The following IMMP2L variants were observed in gnomAD, a reference collection of about 807,000 sequenced individuals.
The protein encoded by IMMP2L is mitochondrial inner membrane protease subunit 2.
In IMMP2L, 18 loss-of-function variants were observed where a neutral mutation model predicts 19.3. The ratio of observed to expected loss-of-function variants is 0.93; its 90% confidence interval spans 0.64 to 1.38. The LOEUF is 1.38. IMMP2L is among the 40% of genes most tolerant of loss of function. The pLI is 0.00. For synonymous variants in IMMP2L, 76 were observed against 73.0 expected, an observed-to-expected ratio of 1.04 and a Z score of -0.21; for missense variants, 233 against 218.2, an observed-to-expected ratio of 1.07 and a Z score of -0.43.
intron 3 of IMMP2L, among the ~76,000 whole-genome samples, chr7:110,992,848 G>A (rs1822629240): frequency 6.6e-6 from 1 of 152,022 alleles, no homozygotes; most frequent in African/African-American, 2.4e-5. Context: ...AATTCATCTT[G>A]TCCTTGTAGG....
intron 3 of IMMP2L, among the ~76,000 whole-genome samples, chr7:111,016,580 C>G (rs1416539155): frequency 9.0e-6 from 1 of 110,738 alleles, no homozygotes; most frequent in African/African-American, 3.7e-5. Flanking sequence ...CATACATATA[C>G]ATATATGTAT....
chr7:111,142,626 G>C (rs577765005), intron 3 of IMMP2L, among the ~76,000 whole-genome samples: 19 of 152,208 alleles, frequency 1.2e-4, no homozygotes, highest in Non-Finnish European at 2.5e-4. Flanking sequence ...ATGTTAAACA[G>C]AGGTTCCAAA....
chr7:111,229,775 G>C (rs1039650841), intron 3 of IMMP2L, among the ~76,000 whole-genome samples: 2 of 151,978 alleles, frequency 1.3e-5, no homozygotes, highest in African/African-American at 2.4e-5. Flanking sequence ...GCAAATGTTT[G>C]ATAAAGTTCA....
chr7:111,195,859 TTTTTGC>T (rs979891624), intron 3 of IMMP2L, among the ~76,000 whole-genome samples: 5 of 10,146 alleles, frequency 4.9e-4, no homozygotes, highest in Non-Finnish European at 8.2e-4. Context: ...TTTCATTTCA[TTTTTGC>T]TCTATCATTT....
chr7:111,030,868 ATGTGTG>A (rs1266804499), intron 3 of IMMP2L, among the ~76,000 whole-genome samples: 1 of 47,352 alleles, frequency 2.1e-5, no homozygotes, highest in Non-Finnish European at 4.6e-5. Flanking sequence ...ATGTGTGTGT[ATGTGTG>A]TGTGTGTGTG....
intron 3 of IMMP2L, among the ~76,000 whole-genome samples, chr7:111,082,855 C>CAAAAA (rs59384730): frequency 1.4e-5 from 1 of 71,178 alleles, no homozygotes; most frequent in African/African-American, 4.2e-5. Context: ...GCGATTTTGC[C>CAAAAA]AAAAAAAAAA....
At chr7:111,316,845 C>CTTTTTTTTTTTTTTTTTTTTT (rs869155077) in intron 3 of IMMP2L, among the ~76,000 whole-genome samples, 1 of 75,896 alleles carries the variant, frequency 1.3e-5, no homozygotes, top group African/African-American at 4.9e-5. Flanking sequence ...TTTTTTTTTT[C>CTTTTTTTTTTTTTTTTTTTTT]TTTTTTTTTT....
At chr7:111,303,266 T>A (rs1822463568) in intron 3 of IMMP2L, among the ~76,000 whole-genome samples, 1 of 152,120 alleles carries the variant, frequency 6.6e-6, no homozygotes, top group South Asian at 2.1e-4. Flanking sequence ...ATTTCATCAT[T>A]GTATCAACTA....
intron 4 of IMMP2L, among the ~76,000 whole-genome samples, chr7:110,950,841 C>CATATATATATATATAT (rs34797718): frequency 3.3e-3 from 336 of 100,484 alleles, no homozygotes; most frequent in African/African-American, 4.9e-3. Flanking sequence ...CAAAATGTGG[C>CATATATATATATATAT]ATATATATAT....
intron 3 of IMMP2L, among the ~76,000 whole-genome samples, chr7:110,985,787 A>G: frequency 6.6e-6 from 1 of 152,166 alleles, no homozygotes; most frequent in African/African-American, 2.4e-5. Context: ...TTTATTTGAT[A>G]TCCATTGACA....
At chr7:111,470,882 A>C (rs1338883597) in intron 3 of IMMP2L, among the ~76,000 whole-genome samples, 1 of 151,278 alleles carries the variant, frequency 6.6e-6, no homozygotes, top group Admixed American at 6.6e-5. Context: ...TAATAATAAT[A>C]AAATAAATAA....
At chr7:111,344,625 T>C (rs1827353637) in intron 3 of IMMP2L, among the ~76,000 whole-genome samples, 1 of 152,208 alleles carries the variant, frequency 6.6e-6, no homozygotes, top group African/African-American at 2.4e-5. Context: ...ACTATTTTGA[T>C]GTGAACACAA....
At chr7:111,550,915 A>C (rs190541317) in intron 1 of IMMP2L, among the ~76,000 whole-genome samples, 1 of 152,294 alleles carries the variant, frequency 6.6e-6, no homozygotes, top group Admixed American at 6.5e-5. Flanking sequence ...AAGAACTGCT[A>C]AAGAGGGAAG....
chr7:110,741,576 G>A (rs571641317), intron 5 of IMMP2L, among the ~76,000 whole-genome samples: 7 of 152,204 alleles, frequency 4.6e-5, no homozygotes, highest in Non-Finnish European at 1.0e-4. Context: ...CACTGAATCT[G>A]TTGGTGCCAT....
rs1169495240 is a variant in IMMP2L at position 111,485,914 on chromosome 7, G to A, written c.239+1324C>T. Among the ~76,000 whole-genome samples, 4 of 152,034 alleles carry A rather than the reference G, an allele frequency of 2.6e-5. 1 individual carries two copies. The highest frequency in any genetic ancestry group is 2.4e-5 in the African/African-American group (1 of 41,390). On this transcript the variant is annotated intron_variant, in intron 3 of 5. Transcript: ENST00000405709. The stretch of plus-strand genomic sequence containing the variant: ...AAAAAAATACTGCACAATTGTCTGC[G>A]TATAGTGTGACCTCTTTCACTTGGG...
intron 4 of IMMP2L, among the ~76,000 whole-genome samples, chr7:110,905,389 C>A (rs142720718): frequency 5.7e-4 from 87 of 151,972 alleles, no homozygotes; most frequent in Non-Finnish European, 1.1e-3. Flanking sequence ...ACTGTCTTAT[C>A]CCCATTAAAG....
intron 5 of IMMP2L, among the ~76,000 whole-genome samples, chr7:110,795,731 ATTT>A (rs897799707): frequency 2.0e-5 from 3 of 152,066 alleles, no homozygotes; most frequent in African/African-American, 7.2e-5. Flanking sequence ...TCACACTAAG[ATTT>A]TTGTCATACA....
chr7:111,199,363 T>C (rs1281618052), intron 3 of IMMP2L, among the ~76,000 whole-genome samples: 1 of 152,104 alleles, frequency 6.6e-6, no homozygotes, highest in Non-Finnish European at 1.5e-5. Context: ...TCACACACTG[T>C]CAGCAATACA....
chr7:111,483,995 C>T (rs4141271), intron 3 of IMMP2L, among the ~76,000 whole-genome samples: 64,923 of 151,924 alleles, frequency 0.43, 14,365 homozygotes, highest in Non-Finnish European at 0.49. Context: ...CAAAGTAACA[C>T]AAAACAATGA....
Sources: gnomAD v4.1 joint callset for allele counts (sites outside exome capture counted in the v4.1 genomes callset) on GRCh38, gnomAD v4.1.1 for gene constraint, MANE v1.5 for transcripts, NCBI Gene and HGNC (gene_info 2026-07-23, HGNC 2026-07-21) for gene names.